Variants in ARMH3 observed in about 807,000 individuals in gnomAD.
The protein encoded by ARMH3 is armadillo like helical domain containing 3, also known as armadillo-like helical domain-containing protein 3.
In ARMH3, 60 loss-of-function variants were observed where a neutral mutation model predicts 99.1. That is an observed-to-expected ratio of 0.61 (90% CI 0.49 to 0.75). The LOEUF (loss-of-function observed/expected upper bound fraction) is 0.75, where lower values mean the gene tolerates loss of function less well. Among genes scored for constraint, ARMH3 ranks in the 30% least tolerant of loss-of-function variants. The pLI is 0.00. For missense variants in ARMH3, 679 were observed against 843.1 expected (o/e 0.81, Z 2.41); for synonymous variants, 285 against 292.8 (o/e 0.97, Z 0.27).
rs577072961 is a variant in ARMH3, at chr10:101,846,769, G to A, written c.*759C>T. The A allele has an allele frequency of 6.6e-6, 1 of 152,368 alleles. No homozygotes were observed. Among genetic ancestry groups the A allele is most frequent in the Non-Finnish European group, 1.5e-5 (1 of 68,102 alleles). 9.4% of individuals were successfully genotyped at this position (152,368 alleles called of 1,614,324 possible). On this transcript the variant is annotated 3_prime_UTR_variant, in exon 26 of 26. Transcript: ENST00000370033. ...GAACTCAGGATATTGAGACCATCCT[G>A]GGTAACATGGTGAAACCCCATCTCT...
intron 24 of ARMH3, among the ~76,000 whole-genome samples, chr10:101,876,541 A>C (rs2067271398): frequency 6.6e-6 from 1 of 152,208 alleles, no homozygotes; most frequent in Non-Finnish European, 1.5e-5. Context: ...GTCATTTTGA[A>C]GACCACATCT....
At chr10:101,974,039 G>T (rs1590113660) in intron 20 of ARMH3, among the ~76,000 whole-genome samples, 1 of 152,160 alleles carries the variant, frequency 6.6e-6, no homozygotes, top group South Asian at 2.1e-4. Context: ...CATCTCTTTT[G>T]ATCTCTCTTT....
rs1845941519 is a variant in ARMH3, at chr10:101,975,202, A to T, written c.1495+10T>A. The T allele has an allele frequency of 6.2e-7, 1 of 1,609,740 alleles. No homozygotes were observed. Among genetic ancestry groups the T allele is most frequent in the African/African-American group, 1.3e-5 (1 of 74,802 alleles). ...AGAAAAAGGAAGATGAATTCAAGAG[A>T]GAAAGTTACCTGACCAGAGCTCCCG... On this transcript the variant is annotated intron_variant, in intron 20 of 25. Transcript: ENST00000370033.
In ARMH3 at chr10:102,009,382, A is replaced by C. The variant is rs200186473; in HGVS notation, c.946T>G (p.Leu316Val). 107 of 1,613,402 alleles carry C rather than the reference A, an allele frequency of 6.6e-5. No individual in the cohort carries two copies. Among genetic ancestry groups the C allele is most frequent in the Non-Finnish European group, 8.6e-5 (102 of 1,179,446 alleles). ...TTTTTAATGTGACCAACCTGAGCTA[A>C]TACTGTGATGAAGTTGCGATTTAAA... ...VHLNRNFITV[L>V]AQSHPEMGLV... The change falls in exon 13 of 26, where the codon TTA (leucine) becomes GTA (valine). Residue 316 changes from leucine to valine, a missense_variant. By Grantham distance (32) the Leu-to-Val change is conservative. This residue lies in a region of ARMH3 where 10 missense variants were observed against 32.0 expected (regional missense o/e 0.31). Transcript: ENST00000370033.
rs2066629511 is a variant in ARMH3 at position 102,011,610 on chromosome 10, C to T, written c.831+113G>A. On this transcript the variant is annotated intron_variant, in intron 11 of 25. Transcript: ENST00000370033. ...AAAATCTGCTCTGAGCAGCCTCTCT[C>T]TTGTCATCATGCCATCACTTCAAAT... The T allele has an allele frequency of 3.6e-6, 3 of 826,920 alleles. No individual in the cohort carries two copies. The East Asian group carries it at 8.0e-5, about 22-fold the overall frequency. 51.2% of individuals were successfully genotyped at this position (826,920 alleles called of 1,614,324 possible). A position where few individuals can be genotyped will look rare whatever the true frequency, so the allele number is the denominator to read the frequency against.
rs745492483 is a variant in ARMH3, at chr10:102,009,399, C to T, written c.929G>A (p.Arg310His). The change falls in exon 13 of 26, where the codon CGC (arginine) becomes CAC (histidine). Residue 310 changes from arginine (R) to histidine (H), a missense_variant. Coordinates refer to ENST00000370033, the MANE Select transcript of ARMH3 (RefSeq NM_024541.3). ...CTGAGCTAATACTGTGATGAAGTTGCGATTTAAATGAACAGCTTCATAAAG... is the reference window on the plus strand; with the variant it reads ...CTGAGCTAATACTGTGATGAAGTTGTGATTTAAATGAACAGCTTCATAAAG... ...LALYEAVHLNRNFITVLAQSH... is the reference protein window; with the variant it reads ...LALYEAVHLNHNFITVLAQSH... The T allele has an allele frequency of 2.5e-6, 4 of 1,613,890 alleles. No homozygotes were observed. The South Asian group carries it at 4.4e-5, about 18-fold the overall frequency.
At chr10:102,042,795 G>A (rs537312756) in intron 1 of ARMH3, among the ~76,000 whole-genome samples, 8 of 152,234 alleles carry the variant, frequency 5.3e-5, no homozygotes, top group South Asian at 2.1e-4. Flanking sequence ...AATATCGGCC[G>A]GGTGCAGTGG....
Position 102,036,278 on chromosome 10 carries a change from G to A in ARMH3, c.103-2939C>T, listed in dbSNP as rs370645848. ...GATGGGGGGGCACATCCGCCCGGCC[G>A]CCGCCCCGTCCAGGAGGTGGGGGGC... is the stretch of plus-strand genomic sequence containing the variant. On this transcript the variant is annotated intron_variant, in intron 2 of 25. Coordinates refer to ENST00000370033, the MANE Select transcript of ARMH3 (RefSeq NM_024541.3). Among the ~76,000 whole-genome samples, 30 of 123,594 alleles carry A rather than the reference G, an allele frequency of 2.4e-4. No homozygotes were observed. The East Asian group carries it at 6.6e-3, about 27-fold the overall frequency. 81.1% of individuals were successfully genotyped at this position (123,594 alleles called of 152,430 possible). A position where few individuals can be genotyped will look rare whatever the true frequency, so the allele number is the denominator to read the frequency against.
At chr10:102,024,089 A>T (rs1590199598) in intron 6 of ARMH3, among the ~76,000 whole-genome samples, 1 of 152,136 alleles carries the variant, frequency 6.6e-6, no homozygotes, top group Non-Finnish European at 1.5e-5. Context: ...AGGGAAAGGG[A>T]CCCTCCTAAA....
intron 8 of ARMH3, among the ~76,000 whole-genome samples, chr10:102,018,540 C>T (rs1403674178): frequency 6.6e-6 from 1 of 152,176 alleles, no homozygotes; most frequent in East Asian, 1.9e-4. Flanking sequence ...ACTGAAAAAT[C>T]CCTATAACCT....
intron 23 of ARMH3, among the ~76,000 whole-genome samples, chr10:101,929,840 T>C (rs1049105355): frequency 3.3e-5 from 5 of 152,170 alleles, no homozygotes; most frequent in African/African-American, 9.7e-5. Context: ...ACATAAAACA[T>C]AGGCTGAATA....
At chr10:101,957,873 TA>T in intron 20 of ARMH3, 141 bp from the exon 21 acceptor site, 1 of 1,209,244 alleles carries the variant, frequency 8.3e-7, no homozygotes, top group Non-Finnish European at 1.1e-6. Context: ...AAAAAGCAGG[TA>T]AGGTAGGTAT....
chr10:102,046,401 C>T (rs2067553631), intron 1 of ARMH3, among the ~76,000 whole-genome samples: 1 of 151,868 alleles, frequency 6.6e-6, no homozygotes, highest in South Asian at 2.1e-4. Context: ...TGCCTGTAAT[C>T]CCAGCACTTT....
At chr10:101,887,521 A>C (rs2067577010) in intron 24 of ARMH3, among the ~76,000 whole-genome samples, 1 of 150,544 alleles carries the variant, frequency 6.6e-6, no homozygotes, top group African/African-American at 2.4e-5. Flanking sequence ...CTCCCACCTC[A>C]GCCTCCCAAG....
At chr10:102,000,726 C>A (rs1316841467) in intron 15 of ARMH3, among the ~76,000 whole-genome samples, 3 of 151,640 alleles carry the variant, frequency 2.0e-5, no homozygotes, top group African/African-American at 7.3e-5. Context: ...GCTGAAACCA[C>A]ACTACTGCAC....
intron 8 of ARMH3, among the ~76,000 whole-genome samples, chr10:102,018,670 TATC>T (rs2066806023): frequency 6.6e-6 from 1 of 152,112 alleles, no homozygotes; most frequent in South Asian, 2.1e-4. Context: ...CACATACAAT[TATC>T]AGCCAGGCAC....
At chr10:101,940,031 A>T in intron 22 of ARMH3, 93 bp from the exon 23 acceptor site, 1 of 964,522 alleles carries the variant, frequency 1.0e-6, no homozygotes, top group Middle Eastern at 2.1e-4. Flanking sequence ...GCACTCTCAG[A>T]ATAACCAAAC....
chr10:101,911,776 C>T lies in ARMH3; in HGVS notation c.1782-22286G>A, dbSNP rs1037160932. On this transcript the variant is annotated intron_variant, in intron 23 of 25. Transcript: ENST00000370033. ...ATGGGGCCAGGCACAGTGGCTCACG[C>T]CTGTAATCCCAGCACTCTGGGAGGC... Among the ~76,000 whole-genome samples the T allele has an allele frequency of 7.2e-5, 11 of 152,220 alleles. No individual in the cohort carries two copies. The East Asian group carries it at 1.9e-3, about 27-fold the overall frequency.
chr10:101,917,118 G>C (rs1843122259), intron 23 of ARMH3, among the ~76,000 whole-genome samples: 1 of 152,088 alleles, frequency 6.6e-6, no homozygotes, highest in Non-Finnish European at 1.5e-5. Context: ...TTATTGGTCT[G>C]TTTTCTGAAA....
Sources: allele counts gnomAD v4.1 joint callset (sites outside exome capture counted in the v4.1 genomes callset), GRCh38; gene constraint gnomAD v4.1.1; regional missense constraint gnomAD v4.1.1; transcripts MANE v1.5; gene names NCBI Gene and HGNC (gene_info 2026-07-23, HGNC 2026-07-21).